Variants in SCARB1 observed in about 807,000 individuals in gnomAD.
SCARB1 encodes the protein scavenger receptor class B member 1, also known as CD36 and LIMPII analogous 1.
A neutral mutation model predicts 57.2 loss-of-function variants in SCARB1; 30 were observed. The ratio of observed to expected loss-of-function variants is 0.52; its 90% CI spans 0.39 to 0.71. The LOEUF is 0.71. Among genes scored for constraint, SCARB1 ranks in the 30% least tolerant of loss-of-function variants. SCARB1 has a pLI of 0.00. For synonymous variants in SCARB1, 249 were observed against 268.3 expected (o/e 0.93, Z 0.70); for missense variants, 543 against 671.2 (o/e 0.81, Z 2.11).
At chr12:124,787,280 G>A (rs1196791843) in intron 10 of SCARB1, 126 bp downstream of exon 10, 2 of 815,356 alleles carry the variant, frequency 2.5e-6, no homozygotes, top group South Asian at 1.5e-5. Flanking sequence ...GCTGGTCCAT[G>A]TCACAGTCCG....
At chr12:124,786,113 C>T (rs1339906664) in intron 11 of SCARB1, 10 of 1,536,286 alleles carry the variant, frequency 6.5e-6, no homozygotes, top group Non-Finnish European at 8.7e-6. Flanking sequence ...CCACCTGTGC[C>T]CCCTCCAAGG....
chr12:124,779,413 G>GA (rs918826367), intron 12 of SCARB1, among the ~76,000 whole-genome samples: 7 of 152,268 alleles, frequency 4.6e-5, no homozygotes, highest in African/African-American at 1.2e-4. Context: ...TGCAGATTCA[G>GA]AAAAAACAAA....
chr12:124,793,565 C>T (rs1225974370), intron 9 of SCARB1, among the ~76,000 whole-genome samples: 2 of 152,028 alleles, frequency 1.3e-5, no homozygotes, highest in African/African-American at 4.8e-5. Flanking sequence ...CGGTGGCGGG[C>T]GCCTGTAGTC....
chr12:124,790,293 G>A (rs1035648046), intron 9 of SCARB1, among the ~76,000 whole-genome samples: 2 of 152,146 alleles, frequency 1.3e-5, no homozygotes, highest in African/African-American at 4.8e-5. Flanking sequence ...TGGGAGGATC[G>A]CCTAAGCCCA....
At chr12:124,820,294 T>G (rs1190004320) in intron 1 of SCARB1, among the ~76,000 whole-genome samples, 3 of 152,100 alleles carry the variant, frequency 2.0e-5, no homozygotes, top group Non-Finnish European at 4.4e-5. Context: ...TCCACTATTA[T>G]TACCCCCATG....
intron 1 of SCARB1, among the ~76,000 whole-genome samples, chr12:124,831,681 C>T (rs1951397475): frequency 6.6e-6 from 1 of 152,168 alleles, no homozygotes; most frequent in African/African-American, 2.4e-5. Context: ...CCCTGCCCAT[C>T]CTCCACCTAC....
rs1021874214 is a variant in SCARB1 at position 124,777,885 on chromosome 12, T to TG, written c.*701dup. Reference sequence around the variant, plus strand: ...GTGGCCGGCTCAGTCCATAGGATGATGTCAGTTTAGGCTGGAGGAAAAGGG... The same window carrying TG: ...GTGGCCGGCTCAGTCCATAGGATGATGGTCAGTTTAGGCTGGAGGAAAAGGG... On this transcript the variant is annotated 3_prime_UTR_variant, in exon 13 of 13. Transcript: ENST00000261693. 1 of 152,380 alleles carries TG rather than the reference T, an allele frequency of 6.6e-6. No homozygotes were observed. Among genetic ancestry groups the TG allele is most frequent in the Admixed American group, 6.5e-5 (1 of 15,300 alleles). The allele number at this position is 152,380 out of a possible 1,614,324, so 9.4% of individuals were successfully genotyped here. A position where few individuals can be genotyped will look rare whatever the true frequency, so the allele number is the denominator to read the frequency against.
At chr12:124,837,051 G>A (rs113964416) in intron 1 of SCARB1, among the ~76,000 whole-genome samples, 38 of 152,226 alleles carry the variant, frequency 2.5e-4, no homozygotes, top group African/African-American at 8.4e-4. Flanking sequence ...TGGTCCCCGG[G>A]CACAGAGATG....
At chr12:124,782,945 G>A (rs1221570393) in intron 11 of SCARB1, 134 bp from the exon 12 acceptor site, 10 of 858,444 alleles carry the variant, frequency 1.2e-5, no homozygotes, top group East Asian at 7.8e-5. Flanking sequence ...AACCCTCAAC[G>A]ATTGCAGGTG....
At chr12:124,792,152 G>A (rs1949756418) in intron 9 of SCARB1, among the ~76,000 whole-genome samples, 1 of 152,142 alleles carries the variant, frequency 6.6e-6, no homozygotes, top group African/African-American at 2.4e-5. Flanking sequence ...AATGGGAATT[G>A]TATTCAAGTA....
intron 1 of SCARB1, among the ~76,000 whole-genome samples, chr12:124,834,498 G>A (rs753581716): frequency 6.6e-6 from 1 of 152,220 alleles, no homozygotes; most frequent in Non-Finnish European, 1.5e-5. Context: ...CCTCATTACT[G>A]CCCTACAGAA....
intron 1 of SCARB1, among the ~76,000 whole-genome samples, chr12:124,827,867 AG>A (rs1566212329): frequency 6.6e-6 from 1 of 152,146 alleles, no homozygotes; most frequent in African/African-American, 2.4e-5. Context: ...TTAGCTTATC[AG>A]GTTTATTGCT....
chr12:124,823,571 C>T (rs773408429), intron 1 of SCARB1, among the ~76,000 whole-genome samples: 17 of 152,120 alleles, frequency 1.1e-4, no homozygotes, highest in South Asian at 2.1e-4. Flanking sequence ...CCAGTCTGAC[C>T]GTTCCTCAAA....
intron 1 of SCARB1, among the ~76,000 whole-genome samples, chr12:124,860,061 C>G (rs1952829998): frequency 1.3e-5 from 2 of 151,346 alleles, no homozygotes; most frequent in Non-Finnish European, 2.9e-5. Flanking sequence ...AGCTATTCTC[C>G]TGCTTCAGCG....
intron 1 of SCARB1, among the ~76,000 whole-genome samples, chr12:124,842,782 T>G: frequency 6.6e-6 from 1 of 152,196 alleles, no homozygotes; most frequent in South Asian, 2.1e-4. Flanking sequence ...AACACAGCCC[T>G]GTCCTTTACA....
At chr12:124,820,686 G>A (rs1950918499) in intron 1 of SCARB1, among the ~76,000 whole-genome samples, 1 of 152,190 alleles carries the variant, frequency 6.6e-6, no homozygotes, top group Non-Finnish European at 1.5e-5. Context: ...ACATCCAGCT[G>A]CTGGTGCTCC....
chr12:124,833,379 G>C (rs1006775761), intron 1 of SCARB1, among the ~76,000 whole-genome samples: 1 of 151,888 alleles, frequency 6.6e-6, no homozygotes, highest in African/African-American at 2.4e-5. Flanking sequence ...TTATAGAGAT[G>C]GGGTCTCACT....
At chr12:124,786,322 C>T in intron 11 of SCARB1, 35 bp downstream of exon 11, 1 of 1,611,758 alleles carries the variant, frequency 6.2e-7, no homozygotes, top group Non-Finnish European at 8.5e-7. Flanking sequence ...AAGCGAATGG[C>T]TGTCAGCCCG....
At chr12:124,791,932 C>T (rs1226487951) in intron 9 of SCARB1, among the ~76,000 whole-genome samples, 12 of 150,564 alleles carry the variant, frequency 8.0e-5, no homozygotes, top group African/African-American at 2.5e-4. Flanking sequence ...CCAGCCTGGG[C>T]GACAAGAGCA....
Sources: allele counts gnomAD v4.1 joint callset (sites outside exome capture counted in the v4.1 genomes callset), GRCh38; gene constraint gnomAD v4.1.1; transcripts MANE v1.5; gene names NCBI Gene and HGNC (gene_info 2026-07-23, HGNC 2026-07-21).